Variants in RSPH14 observed in about 807,000 individuals in gnomAD.
The protein encoded by RSPH14 is rhabdoid tumor deletion region gene 1.
RSPH14 carries 20 observed loss-of-function variants against 26.7 expected under a neutral mutation model. The ratio of observed to expected loss-of-function variants is 0.75; its 90% confidence interval spans 0.53 to 1.09. RSPH14 has a LOEUF of 1.09. Ranked by LOEUF, RSPH14 falls within the 50% of genes least tolerant of loss-of-function variation. The pLI is 0.00. For synonymous variants in RSPH14, 177 were observed against 189.3 expected (o/e 0.93, Z 0.53); for missense variants, 449 against 457.2 (o/e 0.98, Z 0.16).
At chr22:23,068,388 C>T (rs2068259573) in intron 4 of RSPH14, among the ~76,000 whole-genome samples, 1 of 152,270 alleles carries the variant, frequency 6.6e-6, no homozygotes, top group Non-Finnish European at 1.5e-5. Flanking sequence ...CTTTCTGCCC[C>T]TGCCCTACAG....
At chr22:23,161,655 C>A in the RSPH14 span, 1 of 1,157,544 alleles carries the variant, frequency 8.6e-7, no homozygotes, top group Non-Finnish European at 1.2e-6. Context: ...CCAAGCTCTG[C>A]AGCGTGTCGC....
chr22:23,116,690 G>A lies in RSPH14; in HGVS notation c.421+17336C>T, dbSNP rs748573073. On this transcript the variant is annotated intron_variant, in intron 4 of 6. Coordinates refer to ENST00000216036, the MANE Select transcript of RSPH14 (RefSeq NM_014433.3). ...GGTCAGAACGTGTGAGGCCCTGGAT[G>A]AGCCTCTCACCTCCCCACCCCCAGC... Among the ~76,000 whole-genome samples the A allele has an allele frequency of 1.4e-3, 216 of 152,204 alleles. 1 individual carries two copies. Among genetic ancestry groups the A allele is most frequent in the Non-Finnish European group, 2.5e-4 (17 of 68,034 alleles).
At position 23,082,530 on chromosome 22, in the gene RSPH14, T is replaced by C. The variant is rs560438529; in HGVS notation, c.422-18397A>G. Among the ~76,000 whole-genome samples, 7 of 152,178 alleles carry C rather than the reference T, an allele frequency of 4.6e-5. No individual in the cohort carries two copies. In the East Asian group the frequency reaches 1.4e-3, roughly 29 times the overall value. On this transcript the variant is annotated intron_variant, in intron 4 of 6. Transcript: ENST00000216036. ...CACCGCGCCCGGCCTCGTTGTGTTT[T>C]TTTGTTTATTTTTGTTTTGCATGTG... is the stretch of plus-strand genomic sequence containing the variant.
the RSPH14 span, chr22:23,158,053 G>T: frequency 6.2e-7 from 1 of 1,614,068 alleles, no homozygotes; most frequent in Non-Finnish European, 8.5e-7. Flanking sequence ...GGTAAGTCTG[G>T]GCTCTCTGGC....
At chr22:23,145,247 G>A (rs1356218949), upstream of RSPH14, 4 of 190,852 alleles carry the variant, frequency 2.1e-5, no homozygotes, top group African/African-American at 1.2e-4. Flanking sequence ...CCATAGCCCC[G>A]CCCACCGCCC....
intron 4 of RSPH14, among the ~76,000 whole-genome samples, chr22:23,121,089 G>A (rs999561493): frequency 2.6e-5 from 4 of 152,160 alleles, no homozygotes; most frequent in Non-Finnish European, 5.9e-5. Flanking sequence ...TTGGGAATGT[G>A]CAGCCAGGTT....
intron 5 of RSPH14, among the ~76,000 whole-genome samples, chr22:23,063,527 C>T (rs2068134381): frequency 1.3e-5 from 2 of 152,180 alleles, no homozygotes; most frequent in Non-Finnish European, 2.9e-5. Context: ...AGGCAGACAT[C>T]ACCTCCCTGG....
At chr22:23,061,988 A>G (rs914903544) in intron 5 of RSPH14, 43 bp from the exon 6 acceptor site, 2 of 1,611,146 alleles carry the variant, frequency 1.2e-6, no homozygotes, top group Admixed American at 3.3e-5. Flanking sequence ...CTTGGAAGGG[A>G]GAAGAGGCGC....
intron 5 of RSPH14, among the ~76,000 whole-genome samples, 176 bp downstream of exon 5, chr22:23,063,726 G>A (rs1036862944): frequency 5.3e-5 from 8 of 152,028 alleles, no homozygotes; most frequent in Admixed American, 2.0e-4. Context: ...CCAGGCCAAC[G>A]GGATGGTGGT....
intron 6 of RSPH14, among the ~76,000 whole-genome samples, chr22:23,060,873 A>G (rs1490229997): frequency 6.6e-6 from 1 of 152,150 alleles, no homozygotes; most frequent in Non-Finnish European, 1.5e-5. Flanking sequence ...CCTGGGTCTC[A>G]GCCTCTTGTG....
intron 4 of RSPH14, among the ~76,000 whole-genome samples, chr22:23,079,700 C>G (rs1160567697): frequency 6.6e-6 from 1 of 152,174 alleles, no homozygotes; most frequent in Admixed American, 6.5e-5. Context: ...CATACTGCTG[C>G]AAAACAGATG....
intron 4 of RSPH14, chr22:23,096,451 T>G: frequency 6.4e-7 from 1 of 1,569,418 alleles, no homozygotes. Flanking sequence ...CTCTGCTTGT[T>G]CCTGCTGTCG....
At chr22:23,123,755 AGT>A in intron 4 of RSPH14, 4 of 330,998 alleles carry the variant, frequency 1.2e-5, no homozygotes, top group Non-Finnish European at 1.7e-5. Flanking sequence ...TGCCTTCCTG[AGT>A]TGGCCCCACT....
At chr22:23,172,469 C>T in the RSPH14 span, among the ~76,000 whole-genome samples, 2 of 150,566 alleles carry the variant, frequency 1.3e-5, no homozygotes, top group African/African-American at 2.4e-5. Flanking sequence ...AATCCCAGCA[C>T]TTTGGGAGGC....
At chr22:23,130,111 GA>G (rs1430695405) in intron 4 of RSPH14, among the ~76,000 whole-genome samples, 5 of 96,524 alleles carry the variant, frequency 5.2e-5, no homozygotes, top group Non-Finnish European at 1.1e-4. Flanking sequence ...AAGAAAGAAA[GA>G]AAGAAAGAAA....
At chr22:23,115,061 T>C (rs547520524) in intron 4 of RSPH14, among the ~76,000 whole-genome samples, 62 of 152,232 alleles carry the variant, frequency 4.1e-4, no homozygotes, top group Non-Finnish European at 5.9e-5. Context: ...TTGAGGCCCC[T>C]AGTTGGGCCA....
chr22:23,105,356 T>G (rs1051354948), intron 4 of RSPH14, among the ~76,000 whole-genome samples: 3 of 152,212 alleles, frequency 2.0e-5, no homozygotes, highest in African/African-American at 7.2e-5. Flanking sequence ...AGGATGAATA[T>G]TTTTGAAAAC....
chr22:23,127,751 T>C (rs1362038448), intron 4 of RSPH14, among the ~76,000 whole-genome samples: 2 of 152,156 alleles, frequency 1.3e-5, no homozygotes, highest in African/African-American at 4.8e-5. Context: ...TCTCCCTAGC[T>C]TAGATGCTAT....
At chr22:23,171,379 C>T in the RSPH14 span, among the ~76,000 whole-genome samples, 1 of 152,168 alleles carries the variant, frequency 6.6e-6, no homozygotes, top group Non-Finnish European at 1.5e-5. Context: ...ACCTGACAGG[C>T]ATAGTGCACT....
Sources: gnomAD v4.1 joint callset for allele counts (sites outside exome capture counted in the v4.1 genomes callset) on GRCh38, gnomAD v4.1.1 for gene constraint, MANE v1.5 for transcripts, NCBI Gene and HGNC (gene_info 2026-07-23, HGNC 2026-07-21) for gene names.